COL6A5: variants seen among roughly 807,000 people sequenced by gnomAD.
The protein encoded by COL6A5 is collagen type VI alpha 5 chain.
In COL6A5, 48 loss-of-function variants were observed where a neutral mutation model predicts 65.6. That is an observed-to-expected ratio of 0.73 (90% confidence interval 0.58 to 0.93). The LOEUF is 0.93. Ranked by LOEUF, COL6A5 falls within the 40% of genes least tolerant of loss-of-function variation. The pLI, the probability that COL6A5 is intolerant of heterozygous loss-of-function variation, is 0.00. For missense variants in COL6A5, 914 were observed against 928.3 expected, an observed-to-expected ratio of 0.98 and a Z score of 0.20; for synonymous variants, 291 against 322.8, an observed-to-expected ratio of 0.90 and a Z score of 1.05.
At chr3:130,377,141 C>G (rs2107638709) in intron 3 of COL6A5, among the ~76,000 whole-genome samples, 1 of 152,202 alleles carries the variant, frequency 6.6e-6, no homozygotes, top group Non-Finnish European at 1.5e-5. Context: ...GTTTCGGTTC[C>G]TTGCACACAG....
intron 7 of COL6A5, among the ~76,000 whole-genome samples, chr3:130,473,042 AAG>A (rs1016759346): frequency 1.3e-4 from 19 of 150,852 alleles, no homozygotes; most frequent in Non-Finnish European, 1.6e-4. Flanking sequence ...TACAGACAAA[AAG>A]AGAGAGAGAA....
chr3:130,349,124 T>C (rs921615889), intron 1 of COL6A5, among the ~76,000 whole-genome samples: 2 of 152,208 alleles, frequency 1.3e-5, no homozygotes, highest in Admixed American at 1.3e-4. Context: ...CAAGACTTGG[T>C]CTCTGAAAGG....
chr3:130,374,768 G>A (rs143513960), intron 2 of COL6A5, among the ~76,000 whole-genome samples: 2 of 152,150 alleles, frequency 1.3e-5, no homozygotes, highest in East Asian at 3.9e-4. Flanking sequence ...AATTTTAACT[G>A]TATGAGGCCA....
chr3:130,472,856 T>TATATATACAC (rs752157374), intron 7 of COL6A5, among the ~76,000 whole-genome samples: 3 of 143,376 alleles, frequency 2.1e-5, no homozygotes, highest in Non-Finnish European at 3.0e-5. Flanking sequence ...TATATATATA[T>TATATATACAC]ATACACATTT....
At chr3:130,369,141 G>C (rs1935459783) in intron 1 of COL6A5, among the ~76,000 whole-genome samples, 1 of 152,192 alleles carries the variant, frequency 6.6e-6, no homozygotes, top group African/African-American at 2.4e-5. Flanking sequence ...AGGCATTAGG[G>C]AGAAGGGAAA....
intron 4 of COL6A5, among the ~76,000 whole-genome samples, chr3:130,444,295 T>C (rs1709257366): frequency 6.6e-6 from 1 of 151,984 alleles, no homozygotes; most frequent in South Asian, 2.1e-4. Context: ...ACATACATCC[T>C]CCTCAGCTTA....
intron 20 of COL6A5, among the ~76,000 whole-genome samples, chr3:130,410,897 C>T (rs1032969602): frequency 1.5e-4 from 23 of 152,192 alleles, no homozygotes; most frequent in African/African-American, 5.5e-4. Flanking sequence ...GTTGGCCTTT[C>T]CCTTTCCACC....
At chr3:130,421,201 A>C in exon 26 of COL6A5, 1 of 1,550,724 alleles carries the variant, frequency 6.4e-7, no homozygotes. Flanking sequence ...AAAAGGAGTA[A>C]AGGTAAATAT....
At chr3:130,408,201 A>G (rs1937058714) in intron 17 of COL6A5, among the ~76,000 whole-genome samples, 1 of 148,638 alleles carries the variant, frequency 6.7e-6, no homozygotes, top group African/African-American at 2.5e-5. Flanking sequence ...GAAAGTGAAT[A>G]GGAGAAATAT....
chr3:130,358,964 A>G (rs1387401413), intron 1 of COL6A5, among the ~76,000 whole-genome samples: 1 of 152,210 alleles, frequency 6.6e-6, no homozygotes, highest in Non-Finnish European at 1.5e-5. Context: ...ATTGATATAA[A>G]GAAGTACTAT....
At chr3:130,449,659 C>T (rs566530653) in intron 4 of COL6A5, among the ~76,000 whole-genome samples, 3 of 152,218 alleles carry the variant, frequency 2.0e-5, no homozygotes, top group Non-Finnish European at 2.9e-5. Context: ...GTATGGTGCA[C>T]GTGGGCCTTT....
chr3:130,390,054 T>G (rs963895686), intron 6 of COL6A5, among the ~76,000 whole-genome samples: 3 of 152,194 alleles, frequency 2.0e-5, no homozygotes, highest in Non-Finnish European at 4.4e-5. Context: ...GTTCTAAAGT[T>G]TCCTTGGTAA....
At chr3:130,419,945 G>GA (rs1440192253) in intron 25 of COL6A5, among the ~76,000 whole-genome samples, 2 of 152,030 alleles carry the variant, frequency 1.3e-5, no homozygotes, top group Non-Finnish European at 2.9e-5. Flanking sequence ...GCTTACAGGG[G>GA]AAAAAATGAT....
chr3:130,449,985 C>T (rs1490307427), intron 4 of COL6A5, among the ~76,000 whole-genome samples: 1 of 152,062 alleles, frequency 6.6e-6, no homozygotes, highest in Non-Finnish European at 1.5e-5. Context: ...GGCAAAGAAT[C>T]AGGTAGTAAA....
At chr3:130,428,086 C>T (rs1451428145), upstream of COL6A5, among the ~76,000 whole-genome samples, 1 of 152,036 alleles carries the variant, frequency 6.6e-6, no homozygotes, top group Non-Finnish European at 1.5e-5. Flanking sequence ...AGGTGAGGAC[C>T]AGCATTGGAG....
At chr3:130,397,980 C>T (rs1298384461) in intron 9 of COL6A5, 50 bp from the exon 10 acceptor site, 3 of 1,543,532 alleles carry the variant, frequency 1.9e-6, no homozygotes, top group Non-Finnish European at 2.6e-6. Flanking sequence ...TTCTTCATTC[C>T]CCAATTATAT....
chr3:130,446,287 G>A (rs1444368291), intron 4 of COL6A5, among the ~76,000 whole-genome samples: 1 of 152,066 alleles, frequency 6.6e-6, no homozygotes, highest in African/African-American at 2.4e-5. Flanking sequence ...GTGAGAGGTC[G>A]AATAAGTGGA....
In COL6A5 at chr3:130,400,382, T is replaced by C. The variant is rs535778580; in HGVS notation, c.3992-649T>C. The stretch of plus-strand genomic sequence containing the variant: ...AGTAAACCTGACTTATTCATTTGTA[T>C]CTCTGCTATTATACAATGATTAATA... On this transcript the variant is annotated intron_variant and NMD_transcript_variant, in intron 10 of 41. Transcript: ENST00000312481. Among the ~76,000 whole-genome samples the C allele has an allele frequency of 1.2e-4, 18 of 152,364 alleles. No homozygotes were observed. In the South Asian group the frequency reaches 3.5e-3, roughly 30 times the overall value.
chr3:130,431,563 T>G lies in COL6A5; in HGVS notation c.103T>G (p.Ser35Ala), dbSNP rs545379693. 1.8e-4 allele frequency: 286 copies of G among 1,551,474 alleles called. No homozygotes were observed. Among genetic ancestry groups the G allele is most frequent in the Non-Finnish European group, 2.4e-4 (281 of 1,146,940 alleles). ...TAATAAAACACGGGACATCATCACTTCCATTGTCAATGACCTTAACATCAG... is the reference window on the plus strand; with the variant it reads ...TAATAAAACACGGGACATCATCACTGCCATTGTCAATGACCTTAACATCAG... The change falls in exon 1 of 8, where the codon TCC becomes GCC. Residue 35 changes from serine to alanine, a missense_variant. Transcript: ENST00000512836.
Sources: gnomAD v4.1 joint callset for allele counts (sites outside exome capture counted in the v4.1 genomes callset) on GRCh38, gnomAD v4.1.1 for gene constraint, MANE v1.5 for transcripts, NCBI Gene and HGNC (gene_info 2026-07-23, HGNC 2026-07-21) for gene names.